ASXL2: variants seen among roughly 807,000 people sequenced by gnomAD.
ASXL2 encodes the protein ASXL transcriptional regulator 2, also known as putative Polycomb group protein ASXL2.
ASXL2 carries 23 observed loss-of-function variants against 122.0 expected under a neutral mutation model. That is an observed-to-expected ratio of 0.19 (90% confidence interval 0.14 to 0.27). The LOEUF (loss-of-function observed/expected upper bound fraction) is 0.27, where lower values mean the gene tolerates loss of function less well. Among genes scored for constraint, ASXL2 ranks in the 10% least tolerant of loss-of-function variants. The pLI is 1.00. For missense variants in ASXL2, 1,518 were observed against 1,713.8 expected (o/e 0.89, Z 2.02); for synonymous variants, 650 against 637.0 (o/e 1.02, Z -0.31).
At chr2:25,791,975 T>TA (rs2088841521) in intron 5 of ASXL2, among the ~76,000 whole-genome samples, 1 of 152,316 alleles carries the variant, frequency 6.6e-6, no homozygotes, top group East Asian at 1.9e-4. Context: ...GGCATGAGTG[T>TA]AACAAGTAGT....
intron 5 of ASXL2, among the ~76,000 whole-genome samples, chr2:25,787,077 A>G (rs1300017868): frequency 2.0e-5 from 3 of 152,322 alleles, no homozygotes; most frequent in Admixed American, 1.3e-4. Context: ...TATATTTTAA[A>G]AATTAATTTT....
intron 1 of ASXL2, among the ~76,000 whole-genome samples, chr2:25,867,192 G>A (rs60142251): frequency 1.9e-3 from 295 of 152,086 alleles, no homozygotes; most frequent in African/African-American, 6.7e-3. Flanking sequence ...GAGCCACCGC[G>A]CCTGGCACTA....
chr2:25,752,727 A>G (rs2088066556), intron 11 of ASXL2, among the ~76,000 whole-genome samples: 1 of 151,950 alleles, frequency 6.6e-6, no homozygotes, highest in South Asian at 2.1e-4. Flanking sequence ...CACGCCTGTA[A>G]TCCCAGCTAC....
chr2:25,796,714 A>G (rs2088915658), intron 5 of ASXL2, among the ~76,000 whole-genome samples: 1 of 152,246 alleles, frequency 6.6e-6, no homozygotes, highest in African/African-American at 2.4e-5. Flanking sequence ...TTAAGTGCTC[A>G]AAGTTTAGGC....
Position 25,749,948 on chromosome 2 carries a change from T to C in ASXL2, c.1608A>G (p.Pro536=), listed in dbSNP as rs1296119835. ...CCGCTCCTGCTGTGGGCTTCACTAT[T>C]GGTTTTTCAACCCCAGGACTCTTGG... ...SKPKSPGVEK[P]IVKPTAGAGP... The change falls in exon 12 of 13, where the codon CCA becomes CCG. Residue 536 remains proline (P), a synonymous_variant. Coordinates refer to ENST00000435504, the MANE Select transcript of ASXL2 (RefSeq NM_018263.6). 1.2e-6 allele frequency: 2 copies of C among 1,614,052 alleles called. No individual in the cohort carries two copies. The highest frequency in any genetic ancestry group is 1.7e-6 in the Non-Finnish European group (2 of 1,179,896).
At chr2:25,761,304 A>G (rs895422277) in intron 8 of ASXL2, among the ~76,000 whole-genome samples, 1 of 152,184 alleles carries the variant, frequency 6.6e-6, no homozygotes, top group Non-Finnish European at 1.5e-5. Flanking sequence ...GCATAGACCC[A>G]GCATAGTAAG....
intron 5 of ASXL2, among the ~76,000 whole-genome samples, chr2:25,790,952 C>T (rs71439194): frequency 0.034 from 5,095 of 151,634 alleles, 119 homozygotes; most frequent in Non-Finnish European, 0.043. Context: ...TACGGGTGTG[C>T]ACCACCAAAA....
chr2:25,785,748 T>C (rs1177917555), intron 5 of ASXL2, among the ~76,000 whole-genome samples: 1 of 152,056 alleles, frequency 6.6e-6, no homozygotes. Flanking sequence ...GACTTCACCA[T>C]GTTGGCCAGG....
chr2:25,746,097 CTG>C (rs1261497858), intron 12 of ASXL2, among the ~76,000 whole-genome samples: 1 of 152,114 alleles, frequency 6.6e-6, no homozygotes, highest in African/African-American at 2.4e-5. Flanking sequence ...GAGCAAATAA[CTG>C]TTAAGATGTT....
intron 11 of ASXL2, 118 bp from the exon 12 acceptor site, chr2:25,750,531 T>G: frequency 1.1e-6 from 1 of 890,750 alleles, no homozygotes; most frequent in South Asian, 1.8e-5. Context: ...ACAGCAGGTA[T>G]TCATGTATTA....
At chr2:25,818,534 A>G (rs1017402890) in intron 3 of ASXL2, among the ~76,000 whole-genome samples, 2 of 152,176 alleles carry the variant, frequency 1.3e-5, no homozygotes, top group African/African-American at 4.8e-5. Flanking sequence ...CCCATGCTAA[A>G]GACTTCTCTA....
chr2:25,774,849 G>A (rs2088519841), intron 5 of ASXL2, among the ~76,000 whole-genome samples: 1 of 152,096 alleles, frequency 6.6e-6, no homozygotes, highest in Non-Finnish European at 1.5e-5. Flanking sequence ...CCAACACTTG[G>A]TATTCTCTGT....
At chr2:25,807,645 T>A (rs1403029948) in intron 3 of ASXL2, among the ~76,000 whole-genome samples, 1 of 152,074 alleles carries the variant, frequency 6.6e-6, no homozygotes, top group Non-Finnish European at 1.5e-5. Flanking sequence ...TAAAAAGATA[T>A]TAACATGTAC....
At chr2:25,754,258 A>G (rs558513899) in intron 10 of ASXL2, among the ~76,000 whole-genome samples, 9 of 152,348 alleles carry the variant, frequency 5.9e-5, no homozygotes, top group Non-Finnish European at 1.2e-4. Context: ...TTATTTGCAT[A>G]TACTACCAAC....
In ASXL2 at chr2:25,741,177, A is replaced by G. The variant is rs1366693774; in HGVS notation, c.*852T>C. 4 of 220,750 alleles carry G rather than the reference A, an allele frequency of 1.8e-5. No individual in the cohort carries two copies. The highest frequency in any genetic ancestry group is 3.6e-5 in the Non-Finnish European group (4 of 110,322). The allele number at this position is 220,750 out of a possible 1,614,324, so 13.7% of individuals were successfully genotyped here. A position where few individuals can be genotyped will look rare whatever the true frequency, so the allele number is the denominator to read the frequency against. On this transcript the variant is annotated 3_prime_UTR_variant, in exon 13 of 13. Transcript: ENST00000435504. ...GAGTATTTCAAAATTGTTAGTTACC[A>G]CGAATGACTAAGTGCGGGGATAGGG...
intron 5 of ASXL2, among the ~76,000 whole-genome samples, chr2:25,788,568 TAA>T (rs2088783805): frequency 6.6e-6 from 1 of 152,194 alleles, no homozygotes; most frequent in Non-Finnish European, 1.5e-5. Flanking sequence ...CACCAGTGTA[TAA>T]GAATCCCGTT....
intron 5 of ASXL2, chr2:25,780,252 G>A (rs970849067): frequency 2.7e-5 from 4 of 147,270 alleles, no homozygotes; most frequent in Non-Finnish European, 6.0e-5. Flanking sequence ...GTCTTACTCT[G>A]TTGCCCAGGC....
At chr2:25,771,350 A>C (rs2088450025) in intron 6 of ASXL2, 90 bp downstream of exon 6, 2 of 1,234,764 alleles carry the variant, frequency 1.6e-6, no homozygotes, top group South Asian at 3.2e-5. Context: ...CCAATGTAAA[A>C]AATTTTCAAA....
intron 2 of ASXL2, among the ~76,000 whole-genome samples, chr2:25,843,757 A>G (rs2089615380): frequency 6.9e-6 from 1 of 145,886 alleles, no homozygotes; most frequent in East Asian, 2.0e-4. Context: ...CACCATGATC[A>G]TGGCTGTGAA....
Sources: allele counts gnomAD v4.1 joint callset (sites outside exome capture counted in the v4.1 genomes callset), GRCh38; gene constraint gnomAD v4.1.1; transcripts MANE v1.5; gene names NCBI Gene and HGNC (gene_info 2026-07-23, HGNC 2026-07-21).